Variants in MRC1 observed in about 807,000 individuals in gnomAD.
MRC1 encodes mannose receptor C-type 1, also known as macrophage mannose receptor 1.
In MRC1, 62 loss-of-function variants were observed where a neutral mutation model predicts 102.9. The ratio of observed to expected loss-of-function variants is 0.60; its 90% CI spans 0.49 to 0.74. The LOEUF is 0.74. MRC1 is among the 30% of genes least tolerant of loss of function. MRC1 has a pLI of 0.00. For missense variants in MRC1, 1,237 were observed against 862.8 expected, an observed-to-expected ratio of 1.43 and a Z score of -5.43; for synonymous variants, 457 against 298.4, an observed-to-expected ratio of 1.53 and a Z score of -5.48.
intron 3 of MRC1, 98 bp from the exon 4 acceptor site, chr10:17,833,577 C>A: frequency 4.1e-6 from 3 of 737,488 alleles, no homozygotes; most frequent in South Asian, 1.5e-5. Context: ...AAAGAAAGTG[C>A]TTCAGGCAAA....
chr10:17,840,853 C>T (rs1838739253), intron 5 of MRC1, 47 bp downstream of exon 5: 2 of 780,518 alleles, frequency 2.6e-6, no homozygotes, highest in East Asian at 2.4e-5. Context: ...TTTAAGTCAT[C>T]TAGACGCCCC....
Position 17,881,064 on chromosome 10 carries a change from C to T in MRC1, c.2866-3C>T. 2.6e-6 allele frequency: 2 copies of T among 780,540 alleles called. No individual in the cohort carries two copies. Among genetic ancestry groups the T allele is most frequent in the Non-Finnish European group, 4.8e-6 (2 of 417,916 alleles). 48.4% of individuals were successfully genotyped at this position (780,540 alleles called of 1,614,324 possible). A position where few individuals can be genotyped will look rare whatever the true frequency, so the allele number is the denominator to read the frequency against. On this transcript the variant is annotated splice_polypyrimidine_tract_variant and splice_region_variant and intron_variant, in intron 20 of 29. Transcript: ENST00000569591. ...TTTTTTCTCTGCCCCTCTTCCATCCCAGTGTTTCAAAATCTTTGGATTTAT... is the reference window on the plus strand; with the variant it reads ...TTTTTTCTCTGCCCCTCTTCCATCCTAGTGTTTCAAAATCTTTGGATTTAT...
At chr10:17,851,142 C>T (rs1838909752) in intron 7 of MRC1, among the ~76,000 whole-genome samples, 1 of 152,122 alleles carries the variant, frequency 6.6e-6, no homozygotes, top group African/African-American at 2.4e-5. Context: ...GCACATTTAA[C>T]TCTACTTTGT....
intron 23 of MRC1, among the ~76,000 whole-genome samples, chr10:17,894,556 C>G (rs1033635219): frequency 2.0e-5 from 3 of 151,708 alleles, no homozygotes; most frequent in African/African-American, 7.3e-5. Flanking sequence ...CACACCACCA[C>G]GCCTGGCTAA....
rs946929881 is a variant in MRC1 at position 17,814,597 on chromosome 10, C to T, written c.61+5071C>T. On this transcript the variant is annotated intron_variant, in intron 1 of 29. Coordinates refer to ENST00000569591, the MANE Select transcript of MRC1 (RefSeq NM_002438.4). ...AGGATTTGATTGCAAGCCTATCAAC[C>T]CCAAAGAAGATAACCCTCCACACCA... Among the ~76,000 whole-genome samples the T allele has an allele frequency of 2.0e-3, 306 of 151,862 alleles. 1 individual carries two copies. The highest frequency in any genetic ancestry group is 7.3e-3 in the African/African-American group (301 of 41,418).
At position 17,872,218 on chromosome 10, in the gene MRC1, C is replaced by A. The variant is rs1350800965; in HGVS notation, c.2344+92C>A. The stretch of plus-strand genomic sequence containing the variant: ...TCCTTTATTAGCAGAAGCAAACAAA[C>A]AAAATAACAAAATCAGGAAACTGTC... On this transcript the variant is annotated intron_variant, in intron 15 of 29. Coordinates refer to ENST00000569591, the MANE Select transcript of MRC1 (RefSeq NM_002438.4). 3.2e-5 allele frequency: 25 copies of A among 775,396 alleles called. No individual in the cohort carries two copies. In the African/African-American group the frequency reaches 3.6e-4, roughly 11 times the overall value. 48.0% of individuals were successfully genotyped at this position (775,396 alleles called of 1,614,324 possible).
chr10:17,846,911 A>G (rs993914569), intron 6 of MRC1, among the ~76,000 whole-genome samples: 1 of 152,224 alleles, frequency 6.6e-6, no homozygotes, highest in African/African-American at 2.4e-5. Context: ...TATACATTCT[A>G]TGCACATCAT....
At chr10:17,836,849 T>C (rs910220498) in intron 4 of MRC1, among the ~76,000 whole-genome samples, 8,627 of 151,114 alleles carry the variant, frequency 0.057, 272 homozygotes, top group African/African-American at 0.075. Flanking sequence ...AATAAATAAA[T>C]AAATAAAAAT....
intron 22 of MRC1, among the ~76,000 whole-genome samples, chr10:17,887,115 CTT>C (rs1362674035): frequency 2.0e-5 from 3 of 152,124 alleles, no homozygotes; most frequent in Non-Finnish European, 4.4e-5. Flanking sequence ...AGTAGCCATT[CTT>C]TTCTTTCTTT....
At chr10:17,850,446 A>T (rs1044837117) in intron 7 of MRC1, among the ~76,000 whole-genome samples, 11 of 151,906 alleles carry the variant, frequency 7.2e-5, no homozygotes, top group Non-Finnish European at 8.8e-5. Flanking sequence ...ACTAAAAAAA[A>T]TTTTTTTTAA....
intron 21 of MRC1, among the ~76,000 whole-genome samples, chr10:17,881,537 T>G (rs980723688): frequency 6.6e-6 from 1 of 151,934 alleles, no homozygotes; most frequent in African/African-American, 2.4e-5. Flanking sequence ...TCCCAAAGAG[T>G]CAAAGAAGAG....
At chr10:17,843,968 G>C (rs1838787480) in intron 5 of MRC1, among the ~76,000 whole-genome samples, 1 of 152,162 alleles carries the variant, frequency 6.6e-6, no homozygotes. Flanking sequence ...AGCTAGTTTG[G>C]GGAGTACTGG....
chr10:17,833,938 A>T, intron 4 of MRC1, 99 bp downstream of exon 4: 1 of 706,864 alleles, frequency 1.4e-6, no homozygotes, highest in South Asian at 1.6e-5. Context: ...ATGTTATGAC[A>T]GAAGCAATTC....
intron 1 of MRC1, among the ~76,000 whole-genome samples, chr10:17,820,627 A>G (rs1442993639): frequency 6.6e-6 from 1 of 152,216 alleles, no homozygotes; most frequent in East Asian, 1.9e-4. Flanking sequence ...ATTTACTATT[A>G]TTAACAATGA....
At chr10:17,811,169 T>A (rs975429819) in intron 1 of MRC1, among the ~76,000 whole-genome samples, 5 of 152,228 alleles carry the variant, frequency 3.3e-5, no homozygotes, top group African/African-American at 9.6e-5. Flanking sequence ...ATTTGGAATA[T>A]TTTCCCATTC....
intron 5 of MRC1, 56 bp downstream of exon 5, chr10:17,840,862 C>A: frequency 1.3e-6 from 1 of 780,472 alleles, no homozygotes. Context: ...TCTAGACGCC[C>A]CGAAGACGTT....
chr10:17,904,221 T>G (rs1833867813), intron 26 of MRC1, among the ~76,000 whole-genome samples: 1 of 152,218 alleles, frequency 6.6e-6, no homozygotes, highest in African/African-American at 2.4e-5. Context: ...TAGTTTCCTT[T>G]ATTGATGCTC....
intron 26 of MRC1, among the ~76,000 whole-genome samples, chr10:17,903,836 A>G (rs1833862012): frequency 6.6e-6 from 1 of 152,046 alleles, no homozygotes; most frequent in Non-Finnish European, 1.5e-5. Flanking sequence ...GGTGCCTGCA[A>G]TCCCAGCTAC....
intron 10 of MRC1, 143 bp downstream of exon 10, chr10:17,861,645 ATTC>A: frequency 1.6e-6 from 1 of 608,492 alleles, no homozygotes; most frequent in Non-Finnish European, 3.0e-6. Flanking sequence ...TAAAAATAAT[ATTC>A]TTATTTGGAT....
Sources: gnomAD v4.1 joint callset for allele counts (sites outside exome capture counted in the v4.1 genomes callset) on GRCh38, gnomAD v4.1.1 for gene constraint, MANE v1.5 for transcripts, NCBI Gene and HGNC (gene_info 2026-07-23, HGNC 2026-07-21) for gene names.